The following ENGASE variants were observed in gnomAD, a reference collection of about 807,000 sequenced individuals.
The protein encoded by ENGASE is cytosolic endo-beta-N-acetylglucosaminidase.
Under a neutral mutation model 78.5 loss-of-function variants are expected in ENGASE, and 69 were observed. The observed-to-expected ratio is 0.88, with a 90% CI of 0.72 to 1.07. ENGASE has a LOEUF of 1.07. Among genes scored for constraint, ENGASE ranks in the 50% least tolerant of loss-of-function variants. ENGASE has a pLI of 0.00. For synonymous variants in ENGASE, 408 were observed against 408.9 expected (o/e 1.00, Z 0.03); for missense variants, 943 against 988.4 (o/e 0.95, Z 0.62).
chr17:79,084,355 C>T (rs1227350525), intron 10 of ENGASE, 183 bp from the exon 11 acceptor site: 1 of 615,410 alleles, frequency 1.6e-6, no homozygotes, highest in African/African-American at 1.9e-5. Context: ...TGTTTCAGCC[C>T]ACAAAAGAAT....
intron 1 of ENGASE, chr17:79,075,714 A>T: frequency 2.0e-6 from 2 of 985,478 alleles, no homozygotes; most frequent in South Asian, 9.4e-5. Context: ...GAGCACAGAC[A>T]TGGCTTCCGG....
rs1259678208 is a variant in ENGASE at position 79,077,898 on chromosome 17, A to G, written c.416+34A>G. 6.3e-6 allele frequency: 5 copies of G among 793,460 alleles called. 1 individual carries two copies. In the South Asian group the frequency reaches 6.8e-5, roughly 11 times the overall value. The allele number at this position is 793,460 out of a possible 1,614,324, so 49.2% of individuals were successfully genotyped here. On this transcript the variant is annotated intron_variant, in intron 3 of 13. Coordinates refer to ENST00000579016, the MANE Select transcript of ENGASE (RefSeq NM_001042573.3). ...CTGGCCTTACATTGATGTTGCTTAC[A>G]TTGTTCTCCTTTGCTGGGGTGGGGG...
At chr17:79,076,626 A>T (rs549948034) in intron 1 of ENGASE, among the ~76,000 whole-genome samples, 19 of 152,360 alleles carry the variant, frequency 1.2e-4, no homozygotes, top group Non-Finnish European at 2.4e-4. Context: ...TTCCATGTTA[A>T]TGTACCGAAG....
At position 79,080,958 on chromosome 17, in the gene ENGASE, C is replaced by G; in HGVS notation, c.757C>G (p.Arg253Gly). 6.2e-7 allele frequency: 1 copy of G among 1,613,152 alleles called. No homozygotes were observed. The highest frequency in any genetic ancestry group is 8.5e-7 in the Non-Finnish European group (1 of 1,179,712). ...TGTGGGGAACATGCCTCCTTTCCTGCGGTACCTCACCACACAGCTGCACCG... is the reference window on the plus strand; with the variant it reads ...TGTGGGGAACATGCCTCCTTTCCTGGGGTACCTCACCACACAGCTGCACCG... The part of the protein sequence containing the change: ...AAVGNMPPFL[R>G]YLTTQLHRQV... Residue 253 changes from arginine (R) to glycine (G), a missense_variant, in exon 6 of 14, where the codon CGG becomes GGG. Arg to Gly is a moderately radical substitution (Grantham distance 125). Coordinates refer to ENST00000579016, the MANE Select transcript of ENGASE (RefSeq NM_001042573.3).
At chr17:79,076,057 A>G (rs11867964) in intron 1 of ENGASE, among the ~76,000 whole-genome samples, 4,425 of 152,236 alleles carry the variant, frequency 0.029, 132 homozygotes, top group African/African-American at 0.071. Context: ...GGGTCTCCCA[A>G]TGTCATTCTG....
Position 79,079,631 on chromosome 17 carries a change from G to GT in ENGASE, c.560dup (p.Leu188AlafsTer10). On this transcript the variant is annotated frameshift_variant, in exon 4 of 14. Transcript: ENST00000579016. LOFTEE classifies it high-confidence loss of function. ...CACTGCCCACAGGCATGGGGTCTGC[G>GT]TGCTGGGTAAGAGCCAAGGACTCAC... The GT allele has an allele frequency of 6.2e-7, 1 of 1,612,862 alleles. No individual in the cohort carries two copies. The highest frequency in any genetic ancestry group is 2.2e-5 in the East Asian group (1 of 44,854).
rs112981604 is a variant in ENGASE, at chr17:79,084,940, A to G, written c.1591+254A>G. On this transcript the variant is annotated intron_variant, in intron 11 of 13. Coordinates refer to ENST00000579016, the MANE Select transcript of ENGASE (RefSeq NM_001042573.3). ...CAGGGTGGACATGGGCCCCTCCCAG[A>G]GACCTGAGCTGCACAGCCTTGCTGC... 8.7e-3 allele frequency among the ~76,000 whole-genome samples: 1,321 copies of G among 152,238 alleles called. 16 individuals are homozygous for G. Among genetic ancestry groups the G allele is most frequent in the African/African-American group, 0.03 (1,236 of 41,540 alleles).
chr17:79,083,125 T>G lies in ENGASE; in HGVS notation c.1142+2T>G, dbSNP rs779609931. ...GGATTTCTTCCAGAACCAGGACAAG[T>G]GAGTCCTGCTGTCCTGGGTGCTTAG... On this transcript the variant is annotated splice_donor_variant, in intron 8 of 13. Coordinates refer to ENST00000579016, the MANE Select transcript of ENGASE (RefSeq NM_001042573.3). LOFTEE classifies it high-confidence loss of function. This position sits in a 1 kb window ranked among gnomAD's most constrained non-coding sequence, Gnocchi z 4.9. 26 of 1,602,568 alleles carry G rather than the reference T, an allele frequency of 1.6e-5. No homozygotes were observed. The highest frequency in any genetic ancestry group is 2.2e-5 in the Non-Finnish European group (26 of 1,170,102).
chr17:79,085,508 C>T (rs2073270164), intron 12 of ENGASE, 112 bp from the exon 13 acceptor site: 2 of 1,467,404 alleles, frequency 1.4e-6, no homozygotes, highest in Non-Finnish European at 1.8e-6. Context: ...GCCTGGGGTC[C>T]CCCATGACCC....
Position 79,088,046 on chromosome 17 carries a change from C to G in ENGASE, c.*1697C>G, listed in dbSNP as rs150772355. ...GGCTCCCTCTGCTGACCCCCTGCAG[C>G]CTGGAGCCAGCCCGGGGACTGTCCT... On this transcript the variant is annotated 3_prime_UTR_variant, in exon 14 of 14. Coordinates refer to ENST00000579016, the MANE Select transcript of ENGASE (RefSeq NM_001042573.3). 6.6e-6 allele frequency: 1 copy of G among 152,366 alleles called. No homozygotes were observed. The highest frequency in any genetic ancestry group is 2.4e-5 in the African/African-American group (1 of 41,456). 9.4% of individuals were successfully genotyped at this position (152,366 alleles called of 1,614,324 possible).
chr17:79,086,026 G>A lies in ENGASE; in HGVS notation c.1909G>A (p.Glu637Lys), dbSNP rs755575034. Reference sequence around the variant, plus strand: ...CTGGCAGCCATCCGCCTCTGAGCGGGAGGGGCCCCCTGCTCTGCTCCAGCT... The same window carrying A: ...CTGGCAGCCATCCGCCTCTGAGCGGAAGGGGCCCCCTGCTCTGCTCCAGCT... ...IRWQPSASER[E>K]GPPALLQLSC... is the part of the protein sequence containing the mutation. The change falls in exon 14 of 14, where the codon GAG (glutamate) becomes AAG (lysine). Residue 637 changes from glutamate (E) to lysine (K), a missense_variant. Transcript: ENST00000579016. 3 of 1,612,860 alleles carry A rather than the reference G, an allele frequency of 1.9e-6. No individual in the cohort carries two copies. The South Asian group carries it at 3.3e-5, about 18-fold the overall frequency.
Position 79,086,009 on chromosome 17 carries a change from C to T in ENGASE, c.1892C>T (p.Pro631Leu). 9 of 1,611,932 alleles carry T rather than the reference C, an allele frequency of 5.6e-6. No individual in the cohort carries two copies. The highest frequency in any genetic ancestry group is 7.6e-6 in the Non-Finnish European group (9 of 1,180,028). ...ACCATCTCTCACATCCGCTGGCAGC[C>T]ATCCGCCTCTGAGCGGGAGGGGCCC... ...AVTISHIRWQ[P>L]SASEREGPPA... The change falls in exon 14 of 14, where the codon CCA becomes CTA. Residue 631 changes from proline (P) to leucine (L), a missense_variant. Pro to Leu is a moderately conservative substitution (Grantham distance 98, BLOSUM62 -3). Transcript: ENST00000579016.
rs1233677872 is a variant in ENGASE, at chr17:79,086,546, G to A, written c.*197G>A. On this transcript the variant is annotated 3_prime_UTR_variant, in exon 14 of 14. Transcript: ENST00000579016. ...ATGGAAACAGGAAACCAAGCAGTGG[G>A]ATCGCAGCGTTGGTCACTGCGAGGC... The A allele has an allele frequency of 4.6e-6, 3 of 650,136 alleles. No homozygotes were observed. Among genetic ancestry groups the A allele is most frequent in the Non-Finnish European group, 7.8e-6 (3 of 385,866 alleles). The allele number at this position is 650,136 out of a possible 1,614,324, so 40.3% of individuals were successfully genotyped here. A position where few individuals can be genotyped will look rare whatever the true frequency, so the allele number is the denominator to read the frequency against.
Position 79,080,262 on chromosome 17 carries a change from CG to C in ENGASE, c.625del (p.Asp209MetfsTer25). 1.2e-6 allele frequency: 2 copies of C among 1,613,458 alleles called. No individual in the cohort carries two copies. The highest frequency in any genetic ancestry group is 1.1e-5 in the South Asian group (1 of 91,032). On this transcript the variant is annotated frameshift_variant, in exon 5 of 14. Coordinates refer to ENST00000579016, the MANE Select transcript of ENGASE (RefSeq NM_001042573.3). LOFTEE classifies it high-confidence loss of function. ...GAAGGCTCTGTGAAGCCTTCCTGGC[CG>C]GGGATGAGCGCTCGTACCAGGCAGT... Reference protein sequence around the residue: ...GGRLCEAFLAGDERSYQAVAD... With the variant: ...GGRLCEAFLAXDERSYQAVAD...
At position 79,087,276 on chromosome 17, in the gene ENGASE, C is replaced by T. The variant is rs2073344511; in HGVS notation, c.*927C>T. 2.9e-6 allele frequency: 1 copy of T among 344,220 alleles called. No homozygotes were observed. Among genetic ancestry groups the T allele is most frequent in the Non-Finnish European group, 5.8e-6 (1 of 172,530 alleles). 21.3% of individuals were successfully genotyped at this position (344,220 alleles called of 1,614,324 possible). A position where few individuals can be genotyped will look rare whatever the true frequency, so the allele number is the denominator to read the frequency against. The stretch of plus-strand genomic sequence containing the variant: ...GCAGGACCCGCGGGGGCTTTTCCAG[C>T]TACTCTGTTCCTTCACGTCCTCCCT... On this transcript the variant is annotated 3_prime_UTR_variant, in exon 14 of 14. Coordinates refer to ENST00000579016, the MANE Select transcript of ENGASE (RefSeq NM_001042573.3).
intron 6 of ENGASE, among the ~76,000 whole-genome samples, chr17:79,081,547 T>C (rs891792736): frequency 5.3e-4 from 81 of 152,122 alleles, no homozygotes; most frequent in African/African-American, 1.9e-3. Context: ...GCAGACACCA[T>C]GGATGCTGGG....
rs113438369 is a variant in ENGASE at position 79,087,144 on chromosome 17, G to A, written c.*795G>A. 1.7e-3 allele frequency: 737 copies of A among 437,642 alleles called. 6 individuals are homozygous for A. Among genetic ancestry groups the A allele is most frequent in the African/African-American group, 0.013 (630 of 49,762 alleles). The allele number at this position is 437,642 out of a possible 1,614,324, so 27.1% of individuals were successfully genotyped here. On this transcript the variant is annotated 3_prime_UTR_variant, in exon 14 of 14. Coordinates refer to ENST00000579016, the MANE Select transcript of ENGASE (RefSeq NM_001042573.3). ...CCCTGCCTCTGCCCAGCGAGAGGCC[G>A]TGGGCTCTGGACAAGCCGCCCTTCA...
rs1316594025 is a variant in ENGASE at position 79,087,311 on chromosome 17, C to T, written c.*962C>T. On this transcript the variant is annotated 3_prime_UTR_variant, in exon 14 of 14. Transcript: ENST00000579016. ...CCTTCACGTCCTCCCTTCTCAGCCT[C>T]GTCCAAGCACCGGGAAGACCTCCAG... The T allele has an allele frequency of 1.2e-5, 4 of 329,360 alleles. No individual in the cohort carries two copies. The highest frequency in any genetic ancestry group is 3.9e-5 in the Admixed American group (1 of 25,728). The allele number at this position is 329,360 out of a possible 1,614,324, so 20.4% of individuals were successfully genotyped here. A position where few individuals can be genotyped will look rare whatever the true frequency, so the allele number is the denominator to read the frequency against.
rs1402412910 is a variant in ENGASE at position 79,086,344 on chromosome 17, G to GC, written c.2228dup (p.Ter744MetfsTer5). On this transcript the variant is annotated frameshift_variant, in exon 14 of 14. Transcript: ENST00000579016. LOFTEE classifies it high-confidence loss of function. ...GGCAGTTCTGCTTTATTCAGCCCCT[G>GC]CATGAGCGGATGCTAAGGCCGGGTG... The GC allele has an allele frequency of 6.2e-7, 1 of 1,609,300 alleles. No homozygotes were observed. The highest frequency in any genetic ancestry group is 8.5e-7 in the Non-Finnish European group (1 of 1,177,322).
Sources: allele counts gnomAD v4.1 joint callset (sites outside exome capture counted in the v4.1 genomes callset), GRCh38; gene constraint gnomAD v4.1.1; non-coding constraint Gnocchi (gnomAD v3.1); transcripts MANE v1.5; gene names NCBI Gene and HGNC (gene_info 2026-07-23, HGNC 2026-07-21).